Variants in COL4A3 observed in about 807,000 individuals in gnomAD.
The protein encoded by COL4A3 is collagen alpha-3(IV) chain.
Under a neutral mutation model 217.4 loss-of-function variants are expected in COL4A3, and 135 were observed. The ratio of observed to expected loss-of-function variants is 0.62; its 90% CI spans 0.54 to 0.72. The LOEUF (loss-of-function observed/expected upper bound fraction) is 0.72, where lower values mean the gene tolerates loss of function less well. Ranked by LOEUF, COL4A3 falls within the 30% of genes least tolerant of loss-of-function variation. COL4A3 has a pLI of 0.00. For synonymous variants in COL4A3, 690 were observed against 736.3 expected (o/e 0.94, Z 1.02); for missense variants, 1,868 against 2,119.9 (o/e 0.88, Z 2.33).
intron 1 of COL4A3, among the ~76,000 whole-genome samples, chr2:227,193,621 A>G (rs1429621801): frequency 6.6e-6 from 1 of 151,248 alleles, no homozygotes; most frequent in Non-Finnish European, 1.5e-5. Flanking sequence ...TTGAGGCAGG[A>G]GAATCTCTTG....
In COL4A3 at chr2:227,303,847, G is replaced by C; in HGVS notation, c.3956-12G>C. 6.2e-7 allele frequency: 1 copy of C among 1,613,554 alleles called. No individual in the cohort carries two copies. Among genetic ancestry groups the C allele is most frequent in the Non-Finnish European group, 8.5e-7 (1 of 1,179,742 alleles). ...CTAAGTGGAATCACACTGTGTCTTT[G>C]TTTGTTTTTAGGAGAAAAGGGTAAT... is the stretch of plus-strand genomic sequence containing the variant. On this transcript the variant is annotated splice_polypyrimidine_tract_variant and intron_variant, in intron 44 of 51. Transcript: ENST00000396578.
chr2:227,198,679 G>A (rs1173766508), intron 1 of COL4A3, among the ~76,000 whole-genome samples: 2 of 152,080 alleles, frequency 1.3e-5, no homozygotes, highest in East Asian at 1.9e-4. Flanking sequence ...TTCCCATCAT[G>A]GTGGTAGGTT....
At chr2:227,190,940 G>A (rs1244319536) in intron 1 of COL4A3, among the ~76,000 whole-genome samples, 1 of 151,882 alleles carries the variant, frequency 6.6e-6, no homozygotes, top group Non-Finnish European at 1.5e-5. Flanking sequence ...AAGTTAAAAG[G>A]AAAAAAGCAA....
intron 1 of COL4A3, among the ~76,000 whole-genome samples, chr2:227,223,205 C>A (rs1026629312): frequency 1.3e-5 from 2 of 152,090 alleles, no homozygotes; most frequent in Admixed American, 1.3e-4. Flanking sequence ...AGGCCTCAGA[C>A]CTGCTCACTG....
intron 1 of COL4A3, among the ~76,000 whole-genome samples, chr2:227,196,970 G>A (rs895794579): frequency 2.0e-5 from 3 of 152,108 alleles, no homozygotes; most frequent in African/African-American, 7.2e-5. Flanking sequence ...TGAATCATGG[G>A]GGGTAGGTAT....
Position 227,267,034 on chromosome 2 carries a change from G to A in COL4A3, c.1450G>A (p.Gly484Arg), listed in dbSNP as rs777401300. The A allele has an allele frequency of 3.0e-5, 49 of 1,613,868 alleles. No individual in the cohort carries two copies. Among genetic ancestry groups the A allele is most frequent in the Middle Eastern group, 1.6e-4 (1 of 6,084 alleles). The change falls in exon 23 of 52, where the codon GGG becomes AGG. Residue 484 changes from glycine to arginine, a missense_variant. Gly to Arg is a moderately radical substitution (Grantham distance 125). This residue lies in a region of COL4A3 where 1,503 missense variants were observed against 1,786.1 expected (regional missense o/e 0.84). Coordinates refer to ENST00000396578, the MANE Select transcript of COL4A3 (RefSeq NM_000091.5). ...GTGTACACAGTGCCCTTATATCCCA[G>A]GGCCTCCCGGTCTCCCAGGATTGCC... is the stretch of plus-strand genomic sequence containing the variant. ...LLCTQCPYIPGPPGLPGLPGL... is the reference protein window; with the variant it reads ...LLCTQCPYIPRPPGLPGLPGL...
At chr2:227,232,575 T>C (rs916753659) in intron 1 of COL4A3, among the ~76,000 whole-genome samples, 10 of 152,198 alleles carry the variant, frequency 6.6e-5, no homozygotes, top group African/African-American at 2.4e-4. Flanking sequence ...TTAACTGGGG[T>C]GAGATGATAT....
intron 1 of COL4A3, among the ~76,000 whole-genome samples, chr2:227,229,080 G>A (rs113603819): frequency 1.3e-5 from 2 of 152,174 alleles, no homozygotes; most frequent in African/African-American, 4.8e-5. Context: ...CAGGAAGTAC[G>A]TCTCTGGAAC....
rs1350707518 is a variant in COL4A3, at chr2:227,266,411, T to G, written c.1316-6T>G. ...AAAAATTGTCTTTGGTGCTGTATTTTTATAGGTGACATCGTTTTTCGCAAG... is the reference window on the plus strand; with the variant it reads ...AAAAATTGTCTTTGGTGCTGTATTTGTATAGGTGACATCGTTTTTCGCAAG... On this transcript the variant is annotated splice_region_variant and splice_polypyrimidine_tract_variant and intron_variant, in intron 21 of 51. Transcript: ENST00000396578. 1.9e-6 allele frequency: 3 copies of G among 1,611,974 alleles called. No individual in the cohort carries two copies. The Admixed American group carries it at 5.0e-5, about 27-fold the overall frequency.
chr2:227,192,630 T>A (rs1450587037), intron 1 of COL4A3, among the ~76,000 whole-genome samples: 1 of 152,176 alleles, frequency 6.6e-6, no homozygotes, highest in Non-Finnish European at 1.5e-5. Context: ...TCTGCAAGTG[T>A]CCCTTGGGAC....
Position 227,251,207 on chromosome 2 carries a change from G to T in COL4A3, c.609+5G>T. The T allele has an allele frequency of 6.2e-7, 1 of 1,612,648 alleles. No homozygotes were observed. Among genetic ancestry groups the T allele is most frequent in the Non-Finnish European group, 8.5e-7 (1 of 1,178,824 alleles). ...CCTGGTCCTCCGGGATTCTTTGTGA[G>T]TATCAAGTCATCCTTGCTACAGACT... is the stretch of plus-strand genomic sequence containing the variant. On this transcript the variant is annotated splice_donor_5th_base_variant and intron_variant, in intron 10 of 51. Transcript: ENST00000396578.
At chr2:227,255,126 C>T (rs58997129) in intron 15 of COL4A3, among the ~76,000 whole-genome samples, 4,076 of 152,212 alleles carry the variant, frequency 0.027, 147 homozygotes, top group East Asian at 0.14. Flanking sequence ...GAATTCATCT[C>T]ATTGGCCCAG....
chr2:227,301,375 T>C lies in COL4A3; in HGVS notation c.3883-1663T>C, dbSNP rs79301760. On this transcript the variant is annotated intron_variant, in intron 43 of 51. Coordinates refer to ENST00000396578, the MANE Select transcript of COL4A3 (RefSeq NM_000091.5). ...TGGTATAACTCATTTTGTCCTCTACTAACCTCATCAGTGATGCGTAATGAG... is the reference window on the plus strand; with the variant it reads ...TGGTATAACTCATTTTGTCCTCTACCAACCTCATCAGTGATGCGTAATGAG... Among the ~76,000 whole-genome samples the C allele has an allele frequency of 1.7e-3, 266 of 152,334 alleles. 1 individual carries two copies. The highest frequency in any genetic ancestry group is 6.2e-3 in the African/African-American group (256 of 41,588).
intron 47 of COL4A3, 93 bp downstream of exon 47, chr2:227,305,176 C>A (rs2106274989): frequency 3.8e-6 from 4 of 1,054,848 alleles, no homozygotes; most frequent in East Asian, 2.6e-5. Flanking sequence ...GTTATCTAGG[C>A]CTTTGAGTTT....
At chr2:227,197,227 G>GT (rs999391064) in intron 1 of COL4A3, among the ~76,000 whole-genome samples, 3 of 151,986 alleles carry the variant, frequency 2.0e-5, no homozygotes, top group Middle Eastern at 3.4e-3. Flanking sequence ...TTGTTTGTTT[G>GT]TTTTTTTGAG....
intron 43 of COL4A3, 47 bp from the exon 44 acceptor site, chr2:227,302,990 TG>T: frequency 7.9e-7 from 1 of 1,270,338 alleles, no homozygotes; most frequent in Non-Finnish European, 1.2e-6. Context: ...GTGAATTGAG[TG>T]ATTTTAAAAA....
rs146499327 is a variant in COL4A3, at chr2:227,281,364, T to C, written c.2488+358T>C. ...TTCATAAATATATTAAAGTGGTAAG[T>C]TTATCCTTATTATTAAAATAGGGTA... On this transcript the variant is annotated intron_variant, in intron 31 of 51. Coordinates refer to ENST00000396578, the MANE Select transcript of COL4A3 (RefSeq NM_000091.5). Among the ~76,000 whole-genome samples, 50 of 152,316 alleles carry C rather than the reference T, an allele frequency of 3.3e-4. No homozygotes were observed. The East Asian group carries it at 9.4e-3, about 29-fold the overall frequency.
At position 227,253,663 on chromosome 2, in the gene COL4A3, T is replaced by G; in HGVS notation, c.765+25T>G. The G allele has an allele frequency of 6.3e-7, 1 of 1,586,780 alleles. No homozygotes were observed. The highest frequency in any genetic ancestry group is 8.7e-7 in the Non-Finnish European group (1 of 1,155,184). ...GGTAACTCTGCGATTTTATGATTAG[T>G]GTTGTGCCTTCCCGTGTCTAGGATG... On this transcript the variant is annotated intron_variant, in intron 13 of 51. Transcript: ENST00000396578. This position sits in a 1 kb window ranked among gnomAD's most constrained non-coding sequence, Gnocchi z 4.4.
intron 47 of COL4A3, chr2:227,305,323 G>C (rs953093804): frequency 2.1e-6 from 1 of 478,038 alleles, no homozygotes; most frequent in African/African-American, 2.0e-5. Context: ...AGTTTAGCCT[G>C]AGGACAAATA....
Sources: allele counts gnomAD v4.1 joint callset (sites outside exome capture counted in the v4.1 genomes callset), GRCh38; gene constraint gnomAD v4.1.1; regional missense constraint gnomAD v4.1.1; non-coding constraint Gnocchi (gnomAD v3.1); transcripts MANE v1.5; gene names NCBI Gene and HGNC (gene_info 2026-07-23, HGNC 2026-07-21).